The following CLDN10 variants were observed in gnomAD, a reference collection of about 807,000 sequenced individuals.
CLDN10 encodes claudin 10, also known as claudin-10.
CLDN10 carries 15 observed loss-of-function variants against 22.9 expected under a neutral mutation model. That is an observed-to-expected ratio of 0.65 (90% CI 0.44 to 1.01). CLDN10 has a LOEUF of 1.01. Among genes scored for constraint, CLDN10 ranks in the 50% least tolerant of loss-of-function variants. The pLI, the probability that CLDN10 is intolerant of heterozygous loss-of-function variation, is 0.00. For synonymous variants in CLDN10, 114 were observed against 111.4 expected (o/e 1.02, Z -0.15); for missense variants, 247 against 287.8 (o/e 0.86, Z 1.03).
chr13:95,487,398 T>G (rs1306903350), intron 1 of CLDN10, among the ~76,000 whole-genome samples: 2 of 152,248 alleles, frequency 1.3e-5, no homozygotes, highest in African/African-American at 4.8e-5. Flanking sequence ...CTCTAAGCTT[T>G]GCATTTGGGT....
At chr13:95,456,401 A>G (rs981151237) in intron 1 of CLDN10, among the ~76,000 whole-genome samples, 4 of 152,180 alleles carry the variant, frequency 2.6e-5, no homozygotes, top group Non-Finnish European at 5.9e-5. Flanking sequence ...AAGGAACTCC[A>G]GGAAGCAGAG....
chr13:95,487,573 T>C (rs9590284), intron 1 of CLDN10, among the ~76,000 whole-genome samples: 89,299 of 152,132 alleles, frequency 0.59, 27,252 homozygotes, highest in African/African-American at 0.76. Flanking sequence ...ATTTGAAACA[T>C]ATACAAAAAT....
At chr13:95,455,531 A>G (rs1235553296) in intron 1 of CLDN10, among the ~76,000 whole-genome samples, 1 of 152,230 alleles carries the variant, frequency 6.6e-6, no homozygotes, top group East Asian at 1.9e-4. Context: ...TCCACTGCAC[A>G]GTACTTACTT....
intron 3 of CLDN10, among the ~76,000 whole-genome samples, chr13:95,561,512 T>C (rs2043712152): frequency 6.6e-6 from 1 of 152,236 alleles, no homozygotes; most frequent in Admixed American, 6.5e-5. Context: ...TGTGTTATTT[T>C]ATTTTATTCT....
chr13:95,533,449 T>C (rs1338354921), intron 1 of CLDN10, among the ~76,000 whole-genome samples: 1 of 152,202 alleles, frequency 6.6e-6, no homozygotes, highest in Non-Finnish European at 1.5e-5. Flanking sequence ...TCTTTAGATA[T>C]AACACTCCCC....
Position 95,560,385 on chromosome 13 carries a change from T to G in CLDN10, c.386T>G (p.Leu129Arg). The change falls in exon 3 of 5, where the codon CTG (leucine) becomes CGG (arginine). Residue 129 changes from leucine to arginine, a missense_variant. Coordinates refer to ENST00000299339, the MANE Select transcript of CLDN10 (RefSeq NM_006984.5). ...CTTTCCCTCTAATATTTGTTAGGGC[T>G]GTGCTCAATGACTGGATGTTCCCTA... ...LAGIVFILSG[L>R]CSMTGCSLYA... The G allele has an allele frequency of 6.2e-7, 1 of 1,613,836 alleles. No homozygotes were observed. Among genetic ancestry groups the G allele is most frequent in the Non-Finnish European group, 8.5e-7 (1 of 1,179,664 alleles).
At chr13:95,505,281 T>TTC (rs1271795431) in intron 1 of CLDN10, among the ~76,000 whole-genome samples, 1 of 151,962 alleles carries the variant, frequency 6.6e-6, no homozygotes, top group Non-Finnish European at 1.5e-5. Context: ...TCAGATCTGG[T>TTC]TCTCTCTCTC....
chr13:95,527,744 C>A (rs1286485502), intron 1 of CLDN10, among the ~76,000 whole-genome samples: 4 of 152,006 alleles, frequency 2.6e-5, no homozygotes, highest in African/African-American at 9.7e-5. Flanking sequence ...TCGAAAACAA[C>A]AACAACAAAA....
intron 1 of CLDN10, among the ~76,000 whole-genome samples, chr13:95,437,470 G>A (rs549853045): frequency 2.6e-5 from 4 of 152,272 alleles, no homozygotes; most frequent in Admixed American, 2.0e-4. Flanking sequence ...ATCTCTCATC[G>A]TAGGGAGAAA....
At chr13:95,485,592 C>T (rs2042796545) in intron 1 of CLDN10, among the ~76,000 whole-genome samples, 1 of 152,354 alleles carries the variant, frequency 6.6e-6, no homozygotes, top group South Asian at 2.1e-4. Context: ...AATGGCACAT[C>T]AGGGCATTCC....
chr13:95,537,098 T>TA (rs2043408368), intron 1 of CLDN10, among the ~76,000 whole-genome samples: 1 of 152,226 alleles, frequency 6.6e-6, no homozygotes, highest in Non-Finnish European at 1.5e-5. Flanking sequence ...CTATTCTGGG[T>TA]AGCCATATCA....
chr13:95,444,104 C>A (rs1057389809), intron 1 of CLDN10, among the ~76,000 whole-genome samples: 7 of 152,228 alleles, frequency 4.6e-5, no homozygotes, highest in African/African-American at 1.7e-4. Flanking sequence ...GCTCCTCTCC[C>A]TGCTCATTGC....
chr13:95,573,764 T>G (rs1012705309), intron 3 of CLDN10, among the ~76,000 whole-genome samples: 4 of 151,998 alleles, frequency 2.6e-5, no homozygotes, highest in Admixed American at 6.6e-5. Context: ...CTAGGGTACA[T>G]GTGCACAACA....
At chr13:95,519,134 T>C (rs1254409657) in intron 1 of CLDN10, among the ~76,000 whole-genome samples, 1 of 152,194 alleles carries the variant, frequency 6.6e-6, no homozygotes, top group Non-Finnish European at 1.5e-5. Flanking sequence ...GTCAGGCACA[T>C]CATACAAGTT....
At chr13:95,568,050 T>C (rs1264555489) in intron 3 of CLDN10, among the ~76,000 whole-genome samples, 1 of 152,226 alleles carries the variant, frequency 6.6e-6, no homozygotes, top group Admixed American at 6.5e-5. Flanking sequence ...CTGGGTGAGG[T>C]TGAAAAGAAT....
intron 1 of CLDN10, among the ~76,000 whole-genome samples, chr13:95,460,611 C>A (rs1468594728): frequency 1.3e-5 from 2 of 152,170 alleles, no homozygotes; most frequent in Admixed American, 1.3e-4. Flanking sequence ...ATTATCTCTA[C>A]CTGATCTTTG....
intron 3 of CLDN10, among the ~76,000 whole-genome samples, chr13:95,576,223 C>T (rs954500777): frequency 3.4e-4 from 52 of 152,308 alleles, no homozygotes; most frequent in African/African-American, 1.2e-3. Flanking sequence ...GGAACTAACC[C>T]TGGGCCCTGT....
At chr13:95,563,455 A>G in intron 3 of CLDN10, among the ~76,000 whole-genome samples, 1 of 152,172 alleles carries the variant, frequency 6.6e-6, no homozygotes, top group Non-Finnish European at 1.5e-5. Flanking sequence ...GGGTCATGAA[A>G]AACAGCAGTG....
At chr13:95,497,892 G>A (rs1336683232) in intron 1 of CLDN10, among the ~76,000 whole-genome samples, 1 of 152,158 alleles carries the variant, frequency 6.6e-6, no homozygotes, top group Non-Finnish European at 1.5e-5. Context: ...CTTGGGAAAA[G>A]TAAAATGATG....
Sources: allele counts gnomAD v4.1 joint callset (sites outside exome capture counted in the v4.1 genomes callset), GRCh38; gene constraint gnomAD v4.1.1; transcripts MANE v1.5; gene names NCBI Gene and HGNC (gene_info 2026-07-23, HGNC 2026-07-21).